Variants in CDH18 observed in about 807,000 individuals in gnomAD.
The protein encoded by CDH18 is cadherin-18.
In CDH18, 31 loss-of-function variants were observed where a neutral mutation model predicts 67.9. The ratio of observed to expected loss-of-function variants is 0.46; its 90% confidence interval spans 0.34 to 0.62. The LOEUF (loss-of-function observed/expected upper bound fraction) is 0.62, where lower values mean the gene tolerates loss of function less well. Ranked by LOEUF, CDH18 falls within the 20% of genes least tolerant of loss-of-function variation. CDH18 has a pLI of 0.01. For missense variants in CDH18, 890 were observed against 975.5 expected (o/e 0.91, Z 1.17); for synonymous variants, 362 against 347.2 (o/e 1.04, Z -0.48).
intron 2 of CDH18, among the ~76,000 whole-genome samples, chr5:20,166,249 T>C (rs1736272059): frequency 6.6e-6 from 1 of 151,850 alleles, no homozygotes; most frequent in Non-Finnish European, 1.5e-5. Context: ...GAGACCAGCC[T>C]GGCCAACATG....
At chr5:19,976,326 T>G (rs1798495945) in intron 2 of CDH18, among the ~76,000 whole-genome samples, 1 of 152,032 alleles carries the variant, frequency 6.6e-6, no homozygotes. Flanking sequence ...GCAATCTACA[T>G]AATTACAGAA....
chr5:19,717,678 C>A (rs1337261830), intron 5 of CDH18, among the ~76,000 whole-genome samples: 1 of 152,048 alleles, frequency 6.6e-6, no homozygotes, highest in African/African-American at 2.4e-5. Flanking sequence ...TCCCAGATTT[C>A]TCTTGAATTT....
intron 2 of CDH18, among the ~76,000 whole-genome samples, chr5:20,061,531 T>C (rs1742486241): frequency 6.6e-6 from 1 of 152,190 alleles, no homozygotes; most frequent in African/African-American, 2.4e-5. Flanking sequence ...AATGAACTTG[T>C]TTGATGTACA....
At chr5:19,703,755 A>G (rs1241131537) in intron 5 of CDH18, among the ~76,000 whole-genome samples, 1 of 147,224 alleles carries the variant, frequency 6.8e-6, no homozygotes, top group Admixed American at 6.7e-5. Context: ...ACAGGGAAAT[A>G]TTATAGCTAC....
rs920319106 is a variant in CDH18, at chr5:20,413,591, T to C, written c.-579-158086A>G. On this transcript the variant is annotated intron_variant, in intron 1 of 14. Coordinates refer to the CDH18 transcript ENST00000507958. ...TGATGAGCATTTTTTCATGTGTCTG[T>C]TGGCTGCATAAATGTCTTCTTTTGA... 3.9e-5 allele frequency among the ~76,000 whole-genome samples: 6 copies of C among 152,244 alleles called. No individual in the cohort carries two copies. In the East Asian group the frequency reaches 1.2e-3, roughly 29 times the overall value.
chr5:19,765,943 G>T (rs890387865), intron 3 of CDH18, among the ~76,000 whole-genome samples: 11 of 151,286 alleles, frequency 7.3e-5, no homozygotes, highest in African/African-American at 2.7e-4. Context: ...GCAATGACAT[G>T]AACTCGGCTC....
At chr5:19,908,314 T>A (rs898661763) in intron 2 of CDH18, among the ~76,000 whole-genome samples, 1 of 152,134 alleles carries the variant, frequency 6.6e-6, no homozygotes, top group Non-Finnish European at 1.5e-5. Context: ...CTTATTTATA[T>A]ACAGAAATGA....
At chr5:20,522,314 C>T (rs983318578) in intron 1 of CDH18, among the ~76,000 whole-genome samples, 8 of 152,162 alleles carry the variant, frequency 5.3e-5, no homozygotes, top group Non-Finnish European at 8.8e-5. Context: ...CAAACTAATA[C>T]AGAATGTAAG....
At chr5:20,083,712 C>G (rs981974832) in intron 2 of CDH18, among the ~76,000 whole-genome samples, 1 of 152,172 alleles carries the variant, frequency 6.6e-6, no homozygotes, top group African/African-American at 2.4e-5. Flanking sequence ...GTCTGGGAAG[C>G]CTGACAATCA....
At chr5:19,873,468 A>G (rs1786557482) in intron 2 of CDH18, among the ~76,000 whole-genome samples, 1 of 152,080 alleles carries the variant, frequency 6.6e-6, no homozygotes, top group Non-Finnish European at 1.5e-5. Flanking sequence ...GGAAGAGAAG[A>G]GGCTTAGGAA....
chr5:20,466,940 A>T (rs1751672442), intron 1 of CDH18, among the ~76,000 whole-genome samples: 1 of 152,150 alleles, frequency 6.6e-6, no homozygotes, highest in Admixed American at 6.5e-5. Context: ...TATCTCAATA[A>T]ACATTCTGAA....
intron 1 of CDH18, among the ~76,000 whole-genome samples, chr5:20,415,292 C>G (rs770300683): frequency 7.2e-5 from 11 of 151,774 alleles, no homozygotes; most frequent in Non-Finnish European, 1.2e-4. Context: ...GAGGCTGAGG[C>G]AGGTGAATTG....
chr5:19,556,423 T>C (rs1738431080), intron 8 of CDH18, among the ~76,000 whole-genome samples: 1 of 151,842 alleles, frequency 6.6e-6, no homozygotes, highest in South Asian at 2.1e-4. Flanking sequence ...ACGGCATAAA[T>C]AAAAAACAAT....
At chr5:19,933,747 TTC>T (rs1793950790) in intron 2 of CDH18, among the ~76,000 whole-genome samples, 1 of 151,480 alleles carries the variant, frequency 6.6e-6, no homozygotes, top group Non-Finnish European at 1.5e-5. Flanking sequence ...CTGAATTTTC[TTC>T]TTACTTTCTG....
chr5:20,365,372 T>C (rs1333757782), intron 1 of CDH18, among the ~76,000 whole-genome samples: 8 of 152,144 alleles, frequency 5.3e-5, no homozygotes, highest in African/African-American at 1.7e-4. Context: ...AGCTTCAACA[T>C]AGACATTTGA....
At chr5:20,505,618 C>A (rs1201070795) in intron 1 of CDH18, among the ~76,000 whole-genome samples, 2 of 152,092 alleles carry the variant, frequency 1.3e-5, no homozygotes, top group Non-Finnish European at 1.5e-5. Context: ...TTTTCTTTCA[C>A]ACATACACAT....
intron 8 of CDH18, among the ~76,000 whole-genome samples, chr5:19,548,644 T>C (rs1225226702): frequency 6.6e-6 from 1 of 152,016 alleles, no homozygotes; most frequent in Non-Finnish European, 1.5e-5. Flanking sequence ...AGCTCCCTTT[T>C]GCAAATGAAG....
At chr5:20,079,716 T>C (rs1475376926) in intron 2 of CDH18, among the ~76,000 whole-genome samples, 1 of 152,088 alleles carries the variant, frequency 6.6e-6, no homozygotes, top group Admixed American at 6.6e-5. Flanking sequence ...TGGTCAAGAG[T>C]ACTATCTCAG....
chr5:20,573,957 T>A (rs1176502292), intron 1 of CDH18, among the ~76,000 whole-genome samples: 2 of 146,944 alleles, frequency 1.4e-5, no homozygotes, highest in East Asian at 3.9e-4. Context: ...GTATTTTATA[T>A]ATATATACTT....
Sources: gnomAD v4.1 joint callset for allele counts (sites outside exome capture counted in the v4.1 genomes callset) on GRCh38, gnomAD v4.1.1 for gene constraint, MANE v1.5 for transcripts, NCBI Gene and HGNC (gene_info 2026-07-23, HGNC 2026-07-21) for gene names.